ASIC2: variants seen among roughly 807,000 people sequenced by gnomAD.
ASIC2 encodes acid sensing ion channel subunit 2.
A neutral mutation model predicts 57.3 loss-of-function variants in ASIC2; 25 were observed. That is an observed-to-expected ratio of 0.44 (90% CI 0.32 to 0.61). The LOEUF (loss-of-function observed/expected upper bound fraction) is 0.61. ASIC2 is among the 20% of genes least tolerant of loss of function. The pLI, the probability that ASIC2 is intolerant of heterozygous loss-of-function variation, is 0.06. For missense variants in ASIC2, 641 were observed against 738.1 expected (o/e 0.87, Z 1.52); for synonymous variants, 319 against 307.5 (o/e 1.04, Z -0.39).
intron 1 of ASIC2, among the ~76,000 whole-genome samples, chr17:33,994,028 A>G (rs938963965): frequency 5.3e-5 from 8 of 152,176 alleles, no homozygotes; most frequent in African/African-American, 1.9e-4. Context: ...TCCAGAGCCC[A>G]GAACAGCGCT....
intron 1 of ASIC2, among the ~76,000 whole-genome samples, chr17:33,828,909 T>A (rs1293380494): frequency 6.6e-6 from 1 of 152,194 alleles, no homozygotes; most frequent in African/African-American, 2.4e-5. Flanking sequence ...AACACCTAGT[T>A]CTTAGGGTCG....
At position 33,300,604 on chromosome 17, in the gene ASIC2, A is replaced by G. The variant is rs1159662880; in HGVS notation, c.556-188537T>C. On this transcript the variant is annotated intron_variant, in intron 1 of 9. Transcript: ENST00000359872. ...AGTGCATTATGTTGTGTATTTGCATAAGATTTAATTTTCTTGTCATATTTT... is the reference window on the plus strand; with the variant it reads ...AGTGCATTATGTTGTGTATTTGCATGAGATTTAATTTTCTTGTCATATTTT... Among the ~76,000 whole-genome samples the G allele has an allele frequency of 3.3e-5, 5 of 152,350 alleles. No individual in the cohort carries two copies. The East Asian group carries it at 9.6e-4, about 29-fold the overall frequency.
chr17:33,899,171 T>C (rs1038622392), intron 1 of ASIC2, among the ~76,000 whole-genome samples: 3 of 147,522 alleles, frequency 2.0e-5, no homozygotes, highest in Non-Finnish European at 3.0e-5. Context: ...CCAAGAGAAG[T>C]TGTAAAAAAG....
At chr17:33,579,406 G>T (rs906897794) in intron 1 of ASIC2, among the ~76,000 whole-genome samples, 1 of 152,118 alleles carries the variant, frequency 6.6e-6, no homozygotes. Flanking sequence ...TTCTGGAGGG[G>T]AAGGTAGAAA....
chr17:34,055,187 G>A (rs1350308663), intron 1 of ASIC2, among the ~76,000 whole-genome samples: 2 of 152,196 alleles, frequency 1.3e-5, no homozygotes, highest in African/African-American at 4.8e-5. Flanking sequence ...GCAGTAGAAA[G>A]CCATTAAATT....
intron 1 of ASIC2, among the ~76,000 whole-genome samples, chr17:33,733,635 G>A (rs962944417): frequency 6.6e-6 from 1 of 152,270 alleles, no homozygotes; most frequent in Admixed American, 6.5e-5. Flanking sequence ...CTGAGCCTCA[G>A]TTTATTTATC....
chr17:33,973,055 C>T (rs1359580663), intron 1 of ASIC2, among the ~76,000 whole-genome samples: 1 of 152,258 alleles, frequency 6.6e-6, no homozygotes, highest in East Asian at 1.9e-4. Context: ...GTGAGGGAAT[C>T]TCTACCCAAA....
intron 1 of ASIC2, among the ~76,000 whole-genome samples, chr17:33,950,719 T>G (rs1199144828): frequency 6.6e-6 from 1 of 152,206 alleles, no homozygotes; most frequent in African/African-American, 2.4e-5. Flanking sequence ...AAAGTCCTGA[T>G]GAGACCCTGG....
At chr17:33,444,136 C>T (rs555259423) in intron 1 of ASIC2, among the ~76,000 whole-genome samples, 1 of 152,250 alleles carries the variant, frequency 6.6e-6, no homozygotes, top group South Asian at 2.1e-4. Context: ...TCTGGAGCTC[C>T]AAAATGGTTG....
chr17:33,355,019 C>T lies in ASIC2; in HGVS notation c.556-242952G>A, dbSNP rs908961121. On this transcript the variant is annotated intron_variant, in intron 1 of 9. Transcript: ENST00000359872. ...GCAGCTTATTAATCTTGGTTGGAAACAGCAAGTTGTGTTGTGTCCATGTGT... is the reference window on the plus strand; with the variant it reads ...GCAGCTTATTAATCTTGGTTGGAAATAGCAAGTTGTGTTGTGTCCATGTGT... 2.0e-5 allele frequency among the ~76,000 whole-genome samples: 3 copies of T among 152,166 alleles called. No homozygotes were observed. In the East Asian group the frequency reaches 5.8e-4, roughly 29 times the overall value.
chr17:34,136,618 T>C (rs1480545713), intron 1 of ASIC2, among the ~76,000 whole-genome samples: 1 of 152,270 alleles, frequency 6.6e-6, no homozygotes. Flanking sequence ...CCCATCTTTC[T>C]GGGCTGGACA....
At chr17:33,967,480 C>T (rs183511235) in intron 1 of ASIC2, among the ~76,000 whole-genome samples, 29 of 152,232 alleles carry the variant, frequency 1.9e-4, no homozygotes, top group African/African-American at 6.7e-4. Context: ...AGCAATCCAC[C>T]CCCCTCAGCC....
intron 1 of ASIC2, among the ~76,000 whole-genome samples, chr17:33,312,840 G>T (rs1328838208): frequency 6.6e-6 from 1 of 152,174 alleles, no homozygotes; most frequent in Admixed American, 6.5e-5. Context: ...GGAAGCCGAG[G>T]CAGGAGAATC....
At chr17:33,395,705 A>G (rs1281706445) in intron 1 of ASIC2, among the ~76,000 whole-genome samples, 8 of 152,216 alleles carry the variant, frequency 5.3e-5, no homozygotes, top group African/African-American at 1.9e-4. Context: ...CATGTTGGGA[A>G]TTCTGTCTCT....
In ASIC2 at chr17:33,593,713, CA is replaced by C. The variant is rs548787415; in HGVS notation, c.556-481647del. Among the ~76,000 whole-genome samples the C allele has an allele frequency of 3.3e-5, 5 of 152,298 alleles. No individual in the cohort carries two copies. In the South Asian group the frequency reaches 1.0e-3, roughly 32 times the overall value. ...TAAGTGTTGACTTTTGTGTAATTTG[CA>C]CATAGAAGAGAGAACTGAAGGGTAA... On this transcript the variant is annotated intron_variant, in intron 1 of 9. Coordinates refer to the ASIC2 transcript ENST00000359872.
intron 1 of ASIC2, among the ~76,000 whole-genome samples, chr17:33,622,849 C>T (rs1396845515): frequency 6.6e-6 from 1 of 152,202 alleles, no homozygotes; most frequent in Non-Finnish European, 1.5e-5. Flanking sequence ...ATTGTTTACA[C>T]ATTTAACAAA....
At chr17:33,382,532 G>A (rs1375751292) in intron 1 of ASIC2, among the ~76,000 whole-genome samples, 3 of 152,176 alleles carry the variant, frequency 2.0e-5, no homozygotes, top group Non-Finnish European at 4.4e-5. Context: ...CCCATACTAT[G>A]TGAAGTCACA....
intron 2 of ASIC2, among the ~76,000 whole-genome samples, chr17:33,090,523 T>A (rs898928799): frequency 2.0e-5 from 3 of 151,642 alleles, no homozygotes; most frequent in Admixed American, 6.6e-5. Flanking sequence ...AATCAAGGAA[T>A]GTTCTCAAAG....
At chr17:33,305,373 A>C (rs1906127274) in intron 1 of ASIC2, among the ~76,000 whole-genome samples, 1 of 152,284 alleles carries the variant, frequency 6.6e-6, no homozygotes, top group South Asian at 2.1e-4. Context: ...CATGGAGCCT[A>C]CTTACTCTTA....
Sources: gnomAD v4.1 joint callset for allele counts (sites outside exome capture counted in the v4.1 genomes callset) on GRCh38, gnomAD v4.1.1 for gene constraint, MANE v1.5 for transcripts, NCBI Gene and HGNC (gene_info 2026-07-23, HGNC 2026-07-21) for gene names.